The following PLEKHG7 variants were observed in gnomAD, a reference collection of about 807,000 sequenced individuals.
PLEKHG7 encodes pleckstrin homology and RhoGEF domain containing G7.
A neutral mutation model predicts 85.2 loss-of-function variants in PLEKHG7; 77 were observed. The observed-to-expected ratio is 0.90, with a 90% confidence interval of 0.75 to 1.09. PLEKHG7 has a LOEUF of 1.09. Among genes scored for constraint, PLEKHG7 ranks in the 50% least tolerant of loss-of-function variants. PLEKHG7 has a pLI of 0.00. For missense variants in PLEKHG7, 777 were observed against 804.3 expected (o/e 0.97, Z 0.41); for synonymous variants, 301 against 302.4 (o/e 1.00, Z 0.05).
intron 9 of PLEKHG7, among the ~76,000 whole-genome samples, chr12:92,742,938 G>C (rs748959240): frequency 6.6e-6 from 1 of 152,120 alleles, no homozygotes; most frequent in Admixed American, 6.6e-5. Context: ...GGCCACTAAA[G>C]AATGGGGTAT....
intron 10 of PLEKHG7, among the ~76,000 whole-genome samples, chr12:92,752,333 A>G (rs1490243955): frequency 6.6e-6 from 1 of 152,204 alleles, no homozygotes. Context: ...GCAGAAACTA[A>G]CATAGGAAAC....
chr12:92,768,562 A>G (rs1873288590), intron 15 of PLEKHG7, among the ~76,000 whole-genome samples: 1 of 152,186 alleles, frequency 6.6e-6, no homozygotes, highest in South Asian at 2.1e-4. Flanking sequence ...ACTTCCCTTT[A>G]AACACAAAAA....
At chr12:92,714,210 C>T (rs1871420414) in intron 3 of PLEKHG7, among the ~76,000 whole-genome samples, 1 of 152,196 alleles carries the variant, frequency 6.6e-6, no homozygotes, top group Non-Finnish European at 1.5e-5. Flanking sequence ...GAGGCCATCA[C>T]TATTGCCTCA....
At chr12:92,767,956 A>G (rs1429378986) in intron 15 of PLEKHG7, among the ~76,000 whole-genome samples, 1 of 152,158 alleles carries the variant, frequency 6.6e-6, no homozygotes, top group Non-Finnish European at 1.5e-5. Context: ...CTATAATCCT[A>G]GCACTTTGGG....
At chr12:92,720,641 A>G (rs527525767) in intron 3 of PLEKHG7, among the ~76,000 whole-genome samples, 27 of 152,280 alleles carry the variant, frequency 1.8e-4, no homozygotes, top group Non-Finnish European at 2.8e-4. Context: ...AGTGTCTTTT[A>G]TAAGGACATT....
intron 3 of PLEKHG7, among the ~76,000 whole-genome samples, chr12:92,724,300 C>T (rs1871733419): frequency 6.6e-6 from 1 of 152,184 alleles, no homozygotes; most frequent in South Asian, 2.1e-4. Context: ...ACTTTCTCAA[C>T]TCCCACCTAA....
intron 13 of PLEKHG7, among the ~76,000 whole-genome samples, chr12:92,757,526 C>A (rs1238735177): frequency 6.6e-6 from 1 of 152,164 alleles, no homozygotes; most frequent in East Asian, 1.9e-4. Context: ...AGGACATAAT[C>A]CCCACCTGGC....
rs1873439336 is a variant in PLEKHG7 at position 92,771,743 on chromosome 12, T to A, written c.*1548T>A. The A allele has an allele frequency of 6.6e-6, 1 of 152,000 alleles. No individual in the cohort carries two copies. Among genetic ancestry groups the A allele is most frequent in the Admixed American group, 6.6e-5 (1 of 15,242 alleles). The allele number at this position is 152,000 out of a possible 1,614,324, so 9.4% of individuals were successfully genotyped here. A position where few individuals can be genotyped will look rare whatever the true frequency, so the allele number is the denominator to read the frequency against. On this transcript the variant is annotated 3_prime_UTR_variant, in exon 17 of 17. Coordinates refer to ENST00000344636, the MANE Select transcript of PLEKHG7 (RefSeq NM_001377329.1). ...GCAAATGTTTAGATATAAACTAACCTCGGAGGTGAGCAGTGGACTAGGATG... is the reference window on the plus strand; with the variant it reads ...GCAAATGTTTAGATATAAACTAACCACGGAGGTGAGCAGTGGACTAGGATG...
At chr12:92,762,199 T>C (rs1336596577) in intron 14 of PLEKHG7, among the ~76,000 whole-genome samples, 1 of 152,214 alleles carries the variant, frequency 6.6e-6, no homozygotes, top group Non-Finnish European at 1.5e-5. Context: ...CCTGTTCCTT[T>C]TCTGAATTGG....
intron 13 of PLEKHG7, among the ~76,000 whole-genome samples, chr12:92,760,738 G>A (rs1872963217): frequency 6.6e-6 from 1 of 151,768 alleles, no homozygotes; most frequent in Admixed American, 6.6e-5. Context: ...CCTTCTTAGG[G>A]AAAACTAAAG....
intron 3 of PLEKHG7, among the ~76,000 whole-genome samples, chr12:92,713,488 G>GCCAC (rs1171808592): frequency 6.6e-6 from 1 of 152,184 alleles, no homozygotes; most frequent in Non-Finnish European, 1.5e-5. Flanking sequence ...ATGGTTGAGT[G>GCCAC]CTGCCACCTG....
At chr12:92,707,221 G>A in intron 2 of PLEKHG7, 83 bp downstream of exon 2, 1 of 1,493,816 alleles carries the variant, frequency 6.7e-7, no homozygotes, top group Non-Finnish European at 8.9e-7. Context: ...TTCCCCCAAG[G>A]GCCAGTAGAT....
At chr12:92,763,085 A>G (rs1159852018) in intron 14 of PLEKHG7, among the ~76,000 whole-genome samples, 2 of 152,182 alleles carry the variant, frequency 1.3e-5, no homozygotes, top group African/African-American at 4.8e-5. Context: ...TACAAATCAG[A>G]GTATATGAAT....
Position 92,706,727 on chromosome 12 carries a change from G to C in PLEKHG7, c.96G>C (p.Gly32=), listed in dbSNP as rs1200976988. 3 of 1,614,008 alleles carry C rather than the reference G, an allele frequency of 1.9e-6. No individual in the cohort carries two copies. Among genetic ancestry groups the C allele is most frequent in the Non-Finnish European group, 1.7e-6 (2 of 1,180,034 alleles). The change falls in exon 2 of 17, where the codon GGG becomes GGC. Residue 32 remains glycine (G), a synonymous_variant. Coordinates refer to ENST00000344636, the MANE Select transcript of PLEKHG7 (RefSeq NM_001377329.1). ...TGAGGAGCCTGCCAAAGAACCAGGG[G>C]AGTCTCCTCCAGTTTGACCGGCAAG... The part of the protein sequence containing the change: ...PSLRSLPKNQ[G]SLLQFDRQAP...
Position 92,706,777 on chromosome 12 carries a change from C to A in PLEKHG7, c.146C>A (p.Pro49His), listed in dbSNP as rs1294921853. The A allele has an allele frequency of 1.9e-6, 3 of 1,614,038 alleles. No individual in the cohort carries two copies. Among genetic ancestry groups the A allele is most frequent in the East Asian group, 4.5e-5 (2 of 44,874 alleles). The part of the protein sequence containing the change: ...RQAPGRISTS[P>H]TLRRLRTRGC... The stretch of plus-strand genomic sequence containing the variant: ...GCCCCAGGCCGCATCTCCACCTCGC[C>A]CACTTTGAGGAGATTAAGGACCCGT... The change falls in exon 2 of 17, where the codon CCC becomes CAC. Residue 49 changes from proline (P) to histidine (H), a missense_variant. Pro to His is a moderately conservative substitution (Grantham distance 77, BLOSUM62 -2). Coordinates refer to ENST00000344636, the MANE Select transcript of PLEKHG7 (RefSeq NM_001377329.1).
intron 10 of PLEKHG7, among the ~76,000 whole-genome samples, chr12:92,751,805 C>T (rs867061423): frequency 2.5e-4 from 38 of 152,032 alleles, no homozygotes; most frequent in African/African-American, 9.2e-4. Flanking sequence ...TTGCTGGAAC[C>T]CAGGCGTTTG....
chr12:92,733,389 T>C (rs78821754), intron 5 of PLEKHG7, among the ~76,000 whole-genome samples: 4,455 of 152,316 alleles, frequency 0.029, 150 homozygotes, highest in African/African-American at 0.082. Context: ...CTTATTCTCA[T>C]AGCCAAGTGT....
At chr12:92,738,079 G>A (rs1036064218) in intron 7 of PLEKHG7, among the ~76,000 whole-genome samples, 7 of 152,168 alleles carry the variant, frequency 4.6e-5, no homozygotes, top group Non-Finnish European at 1.0e-4. Context: ...AACAGTACCA[G>A]GTGAATGCTT....
chr12:92,724,163 C>A (rs1270509497), intron 3 of PLEKHG7, among the ~76,000 whole-genome samples: 1 of 152,094 alleles, frequency 6.6e-6, no homozygotes, highest in Non-Finnish European at 1.5e-5. Flanking sequence ...TTATGTAATA[C>A]CTTCTGAAGA....
Sources: allele counts gnomAD v4.1 joint callset (sites outside exome capture counted in the v4.1 genomes callset), GRCh38; gene constraint gnomAD v4.1.1; transcripts MANE v1.5; gene names NCBI Gene and HGNC (gene_info 2026-07-23, HGNC 2026-07-21).